The following ZNF474 variants were observed in gnomAD, a reference collection of about 807,000 sequenced individuals.
ZNF474 encodes zinc finger protein 474.
For missense variants in ZNF474, 511 were observed against 433.8 expected (o/e 1.18, Z -1.58); for synonymous variants, 192 against 162.2 (o/e 1.18, Z -1.39).
intron 1 of ZNF474, among the ~76,000 whole-genome samples, chr5:122,150,486 C>CA (rs1756137439): frequency 6.6e-6 from 1 of 152,146 alleles, no homozygotes; most frequent in African/African-American, 2.4e-5. Flanking sequence ...TCCATATTAC[C>CA]AGGACTGCTG....
chr5:122,149,028 C>G (rs1265472230), intron 1 of ZNF474, among the ~76,000 whole-genome samples: 2 of 152,078 alleles, frequency 1.3e-5, no homozygotes, highest in Non-Finnish European at 2.9e-5. Context: ...CCGCGCCCGG[C>G]CTGGAAAAAG....
chr5:122,151,496 A>C (rs1181251999), intron 1 of ZNF474, among the ~76,000 whole-genome samples: 3 of 152,068 alleles, frequency 2.0e-5, no homozygotes, highest in Non-Finnish European at 4.4e-5. Context: ...TGTATCTATG[A>C]TGTGCTGTAA....
chr5:122,141,237 A>G (rs1165000719), intron 1 of ZNF474, among the ~76,000 whole-genome samples: 2 of 147,958 alleles, frequency 1.4e-5, no homozygotes, highest in African/African-American at 5.0e-5. Context: ...AGCAGCCTCC[A>G]GCTCTCAGGT....
At chr5:122,141,298 C>G (rs1219255954) in intron 1 of ZNF474, among the ~76,000 whole-genome samples, 7 of 102,200 alleles carry the variant, frequency 6.8e-5, no homozygotes, top group Non-Finnish European at 1.1e-4. Flanking sequence ...TTACCCCTGG[C>G]TATTTTTTTT....
At chr5:122,131,228 T>A (rs1377909002) in intron 1 of ZNF474, among the ~76,000 whole-genome samples, 1 of 152,176 alleles carries the variant, frequency 6.6e-6, no homozygotes, top group Admixed American at 6.6e-5. Flanking sequence ...ATACAGCCAT[T>A]ATGGATTATG....
rs768208825 is a variant in ZNF474, at chr5:122,152,807, C to A, written c.817C>A (p.Gln273Lys). Residue 273 changes from glutamine to lysine, a missense_variant, in exon 2 of 2, where the codon CAG (glutamine) becomes AAG (lysine). Transcript: ENST00000296600. ...PQKPQPLPNA[Q>K]SSQAGPNQAQ... ...GAAGCCTCAGCCCCTTCCGAATGCA[C>A]AGTCCAGCCAAGCGGGACCAAATCA... 3 of 1,614,198 alleles carry A rather than the reference C, an allele frequency of 1.9e-6. No homozygotes were observed. The highest frequency in any genetic ancestry group is 1.7e-5 in the Admixed American group (1 of 60,032).
chr5:122,129,934 T>G (rs1163711834), intron 1 of ZNF474, among the ~76,000 whole-genome samples: 2 of 152,152 alleles, frequency 1.3e-5, no homozygotes, highest in Non-Finnish European at 2.9e-5. Context: ...TAAATGTCAT[T>G]TTACTTCTTT....
At chr5:122,138,290 C>A (rs1187159277) in intron 1 of ZNF474, among the ~76,000 whole-genome samples, 1 of 152,046 alleles carries the variant, frequency 6.6e-6, no homozygotes, top group Non-Finnish European at 1.5e-5. Flanking sequence ...TCTGTTAGTG[C>A]CTTTTCCCTT....
intron 1 of ZNF474, among the ~76,000 whole-genome samples, chr5:122,129,899 T>C (rs1487028139): frequency 1.3e-5 from 2 of 152,112 alleles, no homozygotes; most frequent in African/African-American, 4.8e-5. Flanking sequence ...AAGTGAAAAA[T>C]CTCAAGTATT....
Position 122,151,781 on chromosome 5 carries a change from C to T in ZNF474, c.-210C>T, listed in dbSNP as rs892733435. Reference sequence around the variant, plus strand: ...ATGTCTCCCACCCGCCTCCACAGATCTTGGAGACATCTCAGCTTTAATGAG... The same window carrying T: ...ATGTCTCCCACCCGCCTCCACAGATTTTGGAGACATCTCAGCTTTAATGAG... On this transcript the variant is annotated splice_region_variant and 5_prime_UTR_variant, in exon 2 of 2. Coordinates refer to ENST00000296600, the MANE Select transcript of ZNF474 (RefSeq NM_207317.3). 3.8e-6 allele frequency: 2 copies of T among 532,548 alleles called. No homozygotes were observed. The highest frequency in any genetic ancestry group is 6.6e-6 in the Non-Finnish European group (2 of 303,482). 33.0% of individuals were successfully genotyped at this position (532,548 alleles called of 1,614,324 possible). A position where few individuals can be genotyped will look rare whatever the true frequency, so the allele number is the denominator to read the frequency against.
chr5:122,139,968 A>T (rs1755794792), intron 1 of ZNF474, among the ~76,000 whole-genome samples: 1 of 152,174 alleles, frequency 6.6e-6, no homozygotes, highest in South Asian at 2.1e-4. Flanking sequence ...AAAAAAGAGG[A>T]TGTTCCTGAT....
At chr5:122,130,589 T>G (rs1158394782) in intron 1 of ZNF474, among the ~76,000 whole-genome samples, 2 of 152,192 alleles carry the variant, frequency 1.3e-5, no homozygotes, top group Non-Finnish European at 2.9e-5. Context: ...CATTGATTGG[T>G]AGTTTGTTTG....
Position 122,152,972 on chromosome 5 carries a change from G to A in ZNF474, c.982G>A (p.Glu328Lys), listed in dbSNP as rs200800080. The change falls in exon 2 of 2, where the codon GAG becomes AAG. Residue 328 changes from glutamate to lysine, a missense_variant. By Grantham distance (56) the Glu-to-Lys change is moderately conservative. Transcript: ENST00000296600. ...LNLGSKGGLK[E>K]YTNSKQQRNR... ...TTTAGGGAGTAAAGGAGGCCTAAAAGAGTACACTAATTCCAAGCAGCAAAG... is the reference window on the plus strand; with the variant it reads ...TTTAGGGAGTAAAGGAGGCCTAAAAAAGTACACTAATTCCAAGCAGCAAAG... 2 of 1,614,004 alleles carry A rather than the reference G, an allele frequency of 1.2e-6. No homozygotes were observed. The highest frequency in any genetic ancestry group is 1.6e-4 in the Middle Eastern group (1 of 6,062).
chr5:122,151,742 C>G, intron 1 of ZNF474, 37 bp from the exon 2 acceptor site: 2 of 325,012 alleles, frequency 6.2e-6, no homozygotes, highest in Non-Finnish European at 5.5e-6. Context: ...TGTGTGTTTA[C>G]ATAATAACTT....
intron 1 of ZNF474, among the ~76,000 whole-genome samples, chr5:122,134,410 C>G (rs768934864): frequency 2.8e-4 from 42 of 152,134 alleles, no homozygotes; most frequent in Non-Finnish European, 6.0e-4. Flanking sequence ...TGATTAATAA[C>G]TTGATGTCTT....
chr5:122,149,591 A>C (rs1756109414), intron 1 of ZNF474, among the ~76,000 whole-genome samples: 2 of 152,232 alleles, frequency 1.3e-5, no homozygotes, highest in Non-Finnish European at 2.9e-5. Context: ...GGAGCCAAAG[A>C]GAGCTGGAAT....
intron 1 of ZNF474, among the ~76,000 whole-genome samples, chr5:122,138,413 C>T (rs1344211388): frequency 1.3e-5 from 2 of 152,182 alleles, no homozygotes; most frequent in African/African-American, 4.8e-5. Context: ...TCTTCTCAGC[C>T]TGGCCTCACC....
chr5:122,136,737 A>T (rs899782728), intron 1 of ZNF474, among the ~76,000 whole-genome samples: 1 of 152,210 alleles, frequency 6.6e-6, no homozygotes, highest in African/African-American at 2.4e-5. Context: ...TATGTGTAAG[A>T]CTTGAGAAAA....
chr5:122,141,300 A>ACT (rs1755839307), intron 1 of ZNF474, among the ~76,000 whole-genome samples: 2 of 64,342 alleles, frequency 3.1e-5, no homozygotes, highest in African/African-American at 1.5e-4. Context: ...ACCCCTGGCT[A>ACT]TTTTTTTTTT....
Sources: allele counts gnomAD v4.1 joint callset (sites outside exome capture counted in the v4.1 genomes callset), GRCh38; gene constraint gnomAD v4.1.1; transcripts MANE v1.5; gene names NCBI Gene and HGNC (gene_info 2026-07-23, HGNC 2026-07-21).